GRK7: variants seen among roughly 807,000 people sequenced by gnomAD.
The protein encoded by GRK7 is rhodopsin kinase GRK7.
In GRK7, 24 loss-of-function variants were observed where a neutral mutation model predicts 34.1. The observed-to-expected ratio is 0.70, with a 90% CI of 0.51 to 0.99. GRK7 has a LOEUF of 0.99. Ranked by LOEUF, GRK7 falls within the 50% of genes least tolerant of loss-of-function variation. The probability of loss-of-function intolerance (pLI) is 0.00; values close to 1 mark genes in which losing one functional copy is unlikely to be tolerated. For synonymous variants in GRK7, 256 were observed against 279.4 expected (o/e 0.92, Z 0.84); for missense variants, 644 against 707.3 (o/e 0.91, Z 1.02).
chr3:141,800,380 TAAAAAA>T (rs5853047), intron 4 of GRK7, among the ~76,000 whole-genome samples: 1 of 79,556 alleles, frequency 1.3e-5, no homozygotes, highest in Non-Finnish European at 2.4e-5. Context: ...TTGTCATTTG[TAAAAAA>T]AAAAAAAAAA....
chr3:141,784,294 T>G (rs1349931061), intron 4 of GRK7, among the ~76,000 whole-genome samples: 1 of 152,184 alleles, frequency 6.6e-6, no homozygotes, highest in Non-Finnish European at 1.5e-5. Flanking sequence ...GCTCACTGCC[T>G]ACAGACCTTT....
At chr3:141,789,367 G>A (rs1256362576) in intron 4 of GRK7, among the ~76,000 whole-genome samples, 1 of 152,136 alleles carries the variant, frequency 6.6e-6, no homozygotes, top group Non-Finnish European at 1.5e-5. Context: ...CTCCCTGCAC[G>A]GGAGCCACCA....
chr3:141,794,932 T>C (rs2084741852), intron 4 of GRK7, among the ~76,000 whole-genome samples: 2 of 152,070 alleles, frequency 1.3e-5, no homozygotes, highest in East Asian at 3.9e-4. Flanking sequence ...CCCTGAATAC[T>C]AAACAGGGAA....
At chr3:141,752,936 C>T in the GRK7 span, among the ~76,000 whole-genome samples, 2 of 152,334 alleles carry the variant, frequency 1.3e-5, no homozygotes, top group African/African-American at 4.8e-5. Context: ...GGAGAGAGCA[C>T]TCCCCAGCCA....
intron 4 of GRK7, among the ~76,000 whole-genome samples, chr3:141,797,221 G>A (rs2107887680): frequency 6.6e-6 from 1 of 152,362 alleles, no homozygotes; most frequent in Non-Finnish European, 1.5e-5. Flanking sequence ...AGCCGCCTCT[G>A]ATGGGATGCG....
chr3:141,791,542 A>C (rs1452178626), intron 4 of GRK7, among the ~76,000 whole-genome samples: 1 of 152,206 alleles, frequency 6.6e-6, no homozygotes, highest in African/African-American at 2.4e-5. Context: ...TTTGAAATCT[A>C]TTCTTAAATT....
chr3:141,815,764 G>A (rs1232211051), intron 5 of GRK7, among the ~76,000 whole-genome samples: 1 of 151,220 alleles, frequency 6.6e-6, no homozygotes, highest in East Asian at 1.9e-4. Flanking sequence ...CAGCTGCAAT[G>A]TTTCAAGACA....
At chr3:141,751,583 TGTG>T in the GRK7 span, among the ~76,000 whole-genome samples, 1 of 152,224 alleles carries the variant, frequency 6.6e-6, no homozygotes, top group African/African-American at 2.4e-5. Context: ...TGTAACAACA[TGTG>T]GTAAGTGGTA....
Position 141,764,452 on chromosome 3 carries a change from A to G in GRK7, c.-1501A>G, listed in dbSNP as rs1393345648. On this transcript the variant is annotated 5_prime_UTR_variant, in exon 1 of 6. Coordinates refer to ENST00000682958, the MANE Select transcript of GRK7 (RefSeq NM_139209.3). ...CTGACCAATTCTCAGTCCTTATCCC[A>G]CTGACCTCTCAGCAGCATTTGCCGT... Among the ~76,000 whole-genome samples the G allele has an allele frequency of 1.3e-5, 2 of 152,022 alleles. No individual in the cohort carries two copies. The highest frequency in any genetic ancestry group is 3.9e-4 in the East Asian group (2 of 5,188).
In GRK7 at chr3:141,814,985, C is replaced by T. The variant is rs549996014; in HGVS notation, c.1326-1729C>T. On this transcript the variant is annotated intron_variant, in intron 5 of 5. Coordinates refer to ENST00000682958, the MANE Select transcript of GRK7 (RefSeq NM_139209.3). ...TGTCACCCAGGCTGGAGTGCAGTGG[C>T]ACAATCTTGGCTCACTGCAATCTCC... 6.9e-5 allele frequency among the ~76,000 whole-genome samples: 10 copies of T among 144,454 alleles called. No homozygotes were observed. The South Asian group carries it at 2.2e-3, about 32-fold the overall frequency. 94.8% of individuals were successfully genotyped at this position (144,454 alleles called of 152,430 possible).
intron 3 of GRK7, among the ~76,000 whole-genome samples, chr3:141,779,409 CAAA>C (rs10626329): frequency 0.017 from 1,673 of 96,472 alleles, 17 homozygotes; most frequent in Non-Finnish European, 0.024. Flanking sequence ...GAGCAAGACT[CAAA>C]AAAAAAAAAA....
At chr3:141,782,597 A>G (rs1268003021) in intron 4 of GRK7, among the ~76,000 whole-genome samples, 3 of 152,110 alleles carry the variant, frequency 2.0e-5, no homozygotes, top group Non-Finnish European at 2.9e-5. Context: ...ACTGGGAAAG[A>G]GTAGGGGAAG....
At chr3:141,815,801 G>C (rs1389067314) in intron 5 of GRK7, among the ~76,000 whole-genome samples, 13 of 151,222 alleles carry the variant, frequency 8.6e-5, no homozygotes, top group African/African-American at 3.2e-4. Context: ...TGTGATACAG[G>C]ATGGAGGCTT....
At chr3:141,750,951 T>C in the GRK7 span, among the ~76,000 whole-genome samples, 5 of 152,034 alleles carry the variant, frequency 3.3e-5, no homozygotes, top group African/African-American at 7.2e-5. Context: ...GCAGGAGGAT[T>C]GCTTGAGGCC....
At chr3:141,815,699 C>CTGTGTGTG (rs61336912) in intron 5 of GRK7, among the ~76,000 whole-genome samples, 11,296 of 145,902 alleles carry the variant, frequency 0.077, 585 homozygotes, top group African/African-American at 0.15. Flanking sequence ...CTATTTTGAG[C>CTGTGTGTG]TGTGTGTGTG....
chr3:141,754,661 C>CT, the GRK7 span, among the ~76,000 whole-genome samples: 1 of 151,970 alleles, frequency 6.6e-6, no homozygotes, highest in East Asian at 1.9e-4. Context: ...AGAGATGAAG[C>CT]TTTTGGTTTT....
intron 4 of GRK7, among the ~76,000 whole-genome samples, chr3:141,792,869 CCCAATG>C (rs2084731290): frequency 3.9e-5 from 6 of 152,142 alleles, no homozygotes; most frequent in African/African-American, 1.4e-4. Flanking sequence ...CAGCCTATCC[CCCAATG>C]GCCAATGATT....
rs539127000 is a variant in GRK7 at position 141,792,301 on chromosome 3, G to A, written c.1050+11490G>A. Among the ~76,000 whole-genome samples the A allele has an allele frequency of 9.9e-5, 15 of 151,840 alleles. 1 individual carries two copies. The highest frequency in any genetic ancestry group is 3.6e-4 in the African/African-American group (15 of 41,356). On this transcript the variant is annotated intron_variant, in intron 4 of 5. Transcript: ENST00000682958. ...TGCCTGTAGTCCCAGCTACTCGGGA[G>A]GCTGAGGCAGGGGAATTGCTTGAAC...
chr3:141,777,322 C>CTTGTTTTTTTTTTTTTT (rs2084644203), intron 2 of GRK7, among the ~76,000 whole-genome samples: 1 of 52,872 alleles, frequency 1.9e-5, no homozygotes, highest in Non-Finnish European at 3.4e-5. Context: ...GATGGCCCCT[C>CTTGTTTTTTTTTTTTTT]TTTTTTTTTT....
Sources: gnomAD v4.1 joint callset for allele counts (sites outside exome capture counted in the v4.1 genomes callset) on GRCh38, gnomAD v4.1.1 for gene constraint, MANE v1.5 for transcripts, NCBI Gene and HGNC (gene_info 2026-07-23, HGNC 2026-07-21) for gene names.